SLC47A2: variants seen among roughly 807,000 people sequenced by gnomAD.
SLC47A2 encodes the protein multidrug and toxin extrusion protein 2.
In SLC47A2, 52 loss-of-function variants were observed where a neutral mutation model predicts 67.7. That is an observed-to-expected ratio of 0.77 (90% CI 0.61 to 0.97). The LOEUF is 0.97. Among genes scored for constraint, SLC47A2 ranks in the 50% least tolerant of loss-of-function variants. The pLI is 0.00. For missense variants in SLC47A2, 676 were observed against 712.3 expected (o/e 0.95, Z 0.58); for synonymous variants, 278 against 292.9 (o/e 0.95, Z 0.52).
intron 5 of SLC47A2, 108 bp from the exon 6 acceptor site, chr17:19,708,868 T>G: frequency 2.2e-6 from 3 of 1,370,800 alleles, no homozygotes; most frequent in Non-Finnish European, 3.1e-6. Context: ...TTGGGGAAAT[T>G]ACTTCATCAA....
intron 14 of SLC47A2, 32 bp from the exon 15 acceptor site, chr17:19,681,493 T>C (rs1282730410): frequency 1.9e-6 from 3 of 1,614,038 alleles, no homozygotes; most frequent in Non-Finnish European, 2.5e-6. Context: ...GGGAACAATG[T>C]CCGACGACCA....
At chr17:19,711,588 CAAAAAAAAA>C (rs35308426) in intron 5 of SLC47A2, among the ~76,000 whole-genome samples, 619 of 33,008 alleles carry the variant, frequency 0.019, 18 homozygotes, top group Admixed American at 0.18. Flanking sequence ...AACTCCGTCT[CAAAAAAAAA>C]AAAAAAAAAA....
chr17:19,701,383 G>A (rs571461424), intron 13 of SLC47A2, among the ~76,000 whole-genome samples: 4 of 152,204 alleles, frequency 2.6e-5, no homozygotes, highest in South Asian at 2.1e-4. Flanking sequence ...AATAGTTAGC[G>A]AACTGGATGG....
In SLC47A2 at chr17:19,683,561, C is replaced by G. The variant is rs751222831; in HGVS notation, c.1165-1891G>C. Among the ~76,000 whole-genome samples, 11 of 152,142 alleles carry G rather than the reference C, an allele frequency of 7.2e-5. No individual in the cohort carries two copies. The East Asian group carries it at 2.1e-3, about 29-fold the overall frequency. The stretch of plus-strand genomic sequence containing the variant: ...GAATGGGGAGGTACTGGTAAGTTCT[C>G]TACATATCCCAAGCTGACCAGAGGC... On this transcript the variant is annotated intron_variant, in intron 13 of 16. Coordinates refer to ENST00000433844, the MANE Select transcript of SLC47A2 (RefSeq NM_001099646.3).
intron 7 of SLC47A2, 76 bp downstream of exon 7, chr17:19,708,226 T>C: frequency 6.5e-7 from 1 of 1,528,588 alleles, no homozygotes; most frequent in Non-Finnish European, 9.0e-7. Context: ...GGATGGTGAC[T>C]GATCTGTCTC....
chr17:19,711,488 A>C (rs1477861195), intron 5 of SLC47A2, among the ~76,000 whole-genome samples: 7 of 141,510 alleles, frequency 4.9e-5, no homozygotes, highest in Non-Finnish European at 7.6e-5. Flanking sequence ...GCTACTCGGG[A>C]GGCTGAGGCA....
intron 15 of SLC47A2, among the ~76,000 whole-genome samples, chr17:19,681,113 T>G (rs1167338239): frequency 6.6e-6 from 1 of 152,086 alleles, no homozygotes; most frequent in African/African-American, 2.4e-5. Context: ...CTGGGGAGGC[T>G]GAGGCAGGAG....
intron 13 of SLC47A2, among the ~76,000 whole-genome samples, chr17:19,684,537 C>T (rs910183231): frequency 1.3e-5 from 2 of 151,788 alleles, no homozygotes; most frequent in Admixed American, 6.6e-5. Context: ...ACAAACTATA[C>T]CTAAATGAAG....
intron 10 of SLC47A2, chr17:19,705,059 T>C: frequency 3.1e-6 from 1 of 327,380 alleles, no homozygotes; most frequent in Non-Finnish European, 5.5e-6. Context: ...ACTCCTGGCT[T>C]TGTGATCCGC....
intron 15 of SLC47A2, among the ~76,000 whole-genome samples, 155 bp downstream of exon 15, chr17:19,681,212 C>CACAA (rs796105714): frequency 4.6e-5 from 7 of 151,656 alleles, no homozygotes; most frequent in Non-Finnish European, 4.4e-5. Flanking sequence ...GACTCCATCT[C>CACAA]ACAAACAAAC....
intron 1 of SLC47A2, chr17:19,715,979 TAAC>T (rs1314596534): frequency 6.3e-6 from 1 of 158,060 alleles, no homozygotes; most frequent in Non-Finnish European, 1.4e-5. Flanking sequence ...AGTGCTGAGA[TAAC>T]AGGCGTGAGG....
At chr17:19,705,530 G>C (rs370603813) in intron 9 of SLC47A2, 27 bp from the exon 10 acceptor site, 1 of 1,601,274 alleles carries the variant, frequency 6.2e-7, no homozygotes, top group Non-Finnish European at 8.5e-7. Context: ...CCGTGAGTCC[G>C]GCCCGCAGCC....
intron 5 of SLC47A2, among the ~76,000 whole-genome samples, chr17:19,712,010 T>C (rs1171998174): frequency 3.9e-5 from 6 of 152,166 alleles, no homozygotes; most frequent in African/African-American, 1.4e-4. Context: ...GGAAAAAGCG[T>C]ATTATAACCC....
chr17:19,693,609 A>G (rs1031172727), intron 13 of SLC47A2, among the ~76,000 whole-genome samples: 2 of 125,284 alleles, frequency 1.6e-5, no homozygotes, highest in African/African-American at 5.1e-5. Flanking sequence ...CGTCTCTACT[A>G]AAAATAATAA....
intron 10 of SLC47A2, 119 bp from the exon 11 acceptor site, chr17:19,704,297 G>A: frequency 1.3e-6 from 1 of 766,290 alleles, no homozygotes; most frequent in Non-Finnish European, 2.0e-6. Context: ...CAGGCATGCA[G>A]TGTAAGAGGC....
At chr17:19,710,799 C>T (rs1015219077) in intron 5 of SLC47A2, among the ~76,000 whole-genome samples, 4 of 149,880 alleles carry the variant, frequency 2.7e-5, no homozygotes, top group African/African-American at 9.7e-5. Flanking sequence ...ATAGGACTTA[C>T]ATACACATTC....
chr17:19,680,283 G>A (rs1825288016), intron 15 of SLC47A2, among the ~76,000 whole-genome samples: 1 of 152,068 alleles, frequency 6.6e-6, no homozygotes, highest in African/African-American at 2.4e-5. Flanking sequence ...TTCAAGGCCA[G>A]TCTGGGCAAT....
chr17:19,712,119 G>T (rs1306091283), intron 5 of SLC47A2, among the ~76,000 whole-genome samples: 1 of 152,180 alleles, frequency 6.6e-6, no homozygotes, highest in Non-Finnish European at 1.5e-5. Context: ...GGGCACGGTG[G>T]CTCACATCTG....
rs145748133 is a variant in SLC47A2 at position 19,678,758 on chromosome 17, C to T, written c.1629G>A (p.Gly543=). ...TGGCTGACGCCGCCCCCAGAGCAGC[C>T]CCACGGCGGATGACCAGCTGTTTCA... ...LSVKQLVIRR[G]AALGAASATL... Residue 543 remains glycine, a synonymous_variant, in exon 17 of 17, where the codon GGG becomes GGA. Coordinates refer to ENST00000433844, the MANE Select transcript of SLC47A2 (RefSeq NM_001099646.3). The T allele has an allele frequency of 6.2e-7, 1 of 1,614,108 alleles. No individual in the cohort carries two copies. The highest frequency in any genetic ancestry group is 8.5e-7 in the Non-Finnish European group (1 of 1,180,046).
Sources: allele counts gnomAD v4.1 joint callset (sites outside exome capture counted in the v4.1 genomes callset), GRCh38; gene constraint gnomAD v4.1.1; transcripts MANE v1.5; gene names NCBI Gene and HGNC (gene_info 2026-07-23, HGNC 2026-07-21).